VRK3: variants seen among roughly 807,000 people sequenced by gnomAD.
VRK3 encodes VRK serine/threonine kinase 3.
A neutral mutation model predicts 60.4 loss-of-function variants in VRK3; 50 were observed. That is an observed-to-expected ratio of 0.83 (90% CI 0.66 to 1.05). VRK3 has a LOEUF of 1.05. VRK3 is among the 50% of genes least tolerant of loss of function. The probability of loss-of-function intolerance (pLI) is 0.00; values close to 1 mark genes in which losing one functional copy is unlikely to be tolerated. For synonymous variants in VRK3, 246 were observed against 227.8 expected (o/e 1.08, Z -0.72); for missense variants, 549 against 585.3 (o/e 0.94, Z 0.64).
rs568877003 is a variant in VRK3, at chr19:50,019,674, C to CTTTTTTTTTTTTTT, written c.-2+897_-2+910dup. ...ACAGGCATGTGCCACCATGCCTGGC[C>CTTTTTTTTTTTTTT]TTTTTTTTTTTTTTTTTTTTTTTTT... On this transcript the variant is annotated intron_variant, in intron 2 of 14. Coordinates refer to ENST00000316763, the MANE Select transcript of VRK3 (RefSeq NM_016440.4). Among the ~76,000 whole-genome samples the CTTTTTTTTTTTTTT allele has an allele frequency of 3.3e-4, 15 of 45,020 alleles. 1 individual carries two copies. The highest frequency in any genetic ancestry group is 8.6e-4 in the South Asian group (1 of 1,168). The allele number at this position is 45,020 out of a possible 152,430, so 29.5% of individuals were successfully genotyped here. A position where few individuals can be genotyped will look rare whatever the true frequency, so the allele number is the denominator to read the frequency against.
chr19:49,979,278 G>C (rs367636147), intron 13 of VRK3, 36 bp from the exon 14 acceptor site: 129 of 1,613,636 alleles, frequency 8.0e-5, no homozygotes, highest in Non-Finnish European at 1.0e-4. Flanking sequence ...GGGAGAGCCT[G>C]AGAGGCATCC....
At chr19:49,982,293 G>C in intron 12 of VRK3, 4 of 693,026 alleles carry the variant, frequency 5.8e-6, no homozygotes, top group Non-Finnish European at 1.1e-5. Context: ...TCAGGCTTTG[G>C]GACATCAGAC....
At chr19:49,995,019 C>A in intron 8 of VRK3, 100 bp from the exon 9 acceptor site, 1 of 1,310,510 alleles carries the variant, frequency 7.6e-7, no homozygotes. Context: ...AGGTCCTGGT[C>A]CCAGGTGAGA....
chr19:50,024,739 C>T (rs7249945), intron 1 of VRK3, among the ~76,000 whole-genome samples: 1,857 of 152,294 alleles, frequency 0.012, 80 homozygotes, highest in East Asian at 0.12. Context: ...TATGCAATGG[C>T]CAGGTCAGGA....
chr19:49,981,908 G>A (rs931482415), intron 12 of VRK3: 2 of 928,484 alleles, frequency 2.2e-6, no homozygotes, highest in African/African-American at 1.7e-5. Flanking sequence ...AAGCAAGCAG[G>A]CTCGACTTCA....
intron 12 of VRK3, chr19:49,981,994 C>A (rs142802388): frequency 1.3e-5 from 8 of 638,612 alleles, no homozygotes; most frequent in South Asian, 1.8e-5. Flanking sequence ...CCAGCGGGGC[C>A]GTCAAGTAGG....
intron 12 of VRK3, among the ~76,000 whole-genome samples, chr19:49,987,334 G>A (rs1453863548): frequency 6.6e-6 from 1 of 151,986 alleles, no homozygotes; most frequent in Non-Finnish European, 1.5e-5. Flanking sequence ...TTTGTGTCCC[G>A]CTGCCTGCTG....
At chr19:49,995,954 C>T (rs912596459) in intron 7 of VRK3, among the ~76,000 whole-genome samples, 5 of 151,940 alleles carry the variant, frequency 3.3e-5, no homozygotes, top group Non-Finnish European at 7.4e-5. Context: ...ATGGAGTCTT[C>T]GTCTGTCACC....
chr19:49,982,936 C>T (rs2076448600), intron 12 of VRK3, among the ~76,000 whole-genome samples: 1 of 152,050 alleles, frequency 6.6e-6, no homozygotes, highest in South Asian at 2.1e-4. Flanking sequence ...CTGACCCTGC[C>T]TTCGCCATCC....
intron 13 of VRK3, among the ~76,000 whole-genome samples, chr19:49,979,559 TC>T (rs2076388554): frequency 6.6e-6 from 1 of 152,042 alleles, no homozygotes; most frequent in African/African-American, 2.4e-5. Context: ...TTAAAGCAAA[TC>T]CCAGCTAGCA....
intron 10 of VRK3, 140 bp downstream of exon 10, chr19:49,992,720 A>G: frequency 1.4e-6 from 1 of 708,092 alleles, no homozygotes. Flanking sequence ...TGCTTATCTT[A>G]TTTATTTGAA....
At chr19:49,985,577 C>G (rs570679682) in intron 12 of VRK3, among the ~76,000 whole-genome samples, 1 of 152,308 alleles carries the variant, frequency 6.6e-6, no homozygotes, top group South Asian at 2.1e-4. Context: ...CCCCCACCAA[C>G]AGTCCCACCA....
Position 50,016,046 on chromosome 19 carries a change from A to AT in VRK3, c.116dup (p.Asn39LysfsTer19). 6.2e-7 allele frequency: 1 copy of AT among 1,614,188 alleles called. No individual in the cohort carries two copies. The highest frequency in any genetic ancestry group is 8.5e-7 in the Non-Finnish European group (1 of 1,180,020). On this transcript the variant is annotated frameshift_variant, in exon 3 of 15. Transcript: ENST00000316763. LOFTEE classifies it high-confidence loss of function. ...TACCTTGGAAGGATGACACATGTGGATTGACAAAGGTCTGGGACCCTACAT... is the reference window on the plus strand; with the variant it reads ...TACCTTGGAAGGATGACACATGTGGATTTGACAAAGGTCTGGGACCCTACAT...
chr19:49,976,864 T>C (rs997113894), intron 14 of VRK3, 80 bp from the exon 15 acceptor site: 11 of 152,190 alleles, frequency 7.2e-5, no homozygotes, highest in African/African-American at 2.7e-4. Flanking sequence ...GCCAAGCACC[T>C]TCTAGGTTCT....
intron 11 of VRK3, 54 bp from the exon 12 acceptor site, chr19:49,988,546 G>A (rs539881468): frequency 1.9e-6 from 3 of 1,593,332 alleles, no homozygotes; most frequent in Admixed American, 3.4e-5. Context: ...CCACTCACTG[G>A]TGGGTCCACC....
At position 49,980,949 on chromosome 19, in the gene VRK3, A is replaced by T; in HGVS notation, c.1276+6T>A. 1 of 1,608,492 alleles carries T rather than the reference A, an allele frequency of 6.2e-7. No homozygotes were observed. The highest frequency in any genetic ancestry group is 8.5e-7 in the Non-Finnish European group (1 of 1,177,426). On this transcript the variant is annotated splice_donor_region_variant and intron_variant, in intron 13 of 14. Coordinates refer to ENST00000316763, the MANE Select transcript of VRK3 (RefSeq NM_016440.4). ...CCCGCCTGTTCCCGCTCCCTTCAGG[A>T]CGTACCTGAGGGCCTGATCCAGTGA...
chr19:50,008,040 G>A (rs950447982), intron 4 of VRK3, among the ~76,000 whole-genome samples: 9 of 152,160 alleles, frequency 5.9e-5, no homozygotes, highest in African/African-American at 2.2e-4. Context: ...GCCCAGTTTG[G>A]TGGGCAAGTC....
At position 50,025,348 on chromosome 19, in the gene VRK3, T is replaced by G. The variant is rs911777446; in HGVS notation, c.-146A>C. The G allele has an allele frequency of 4.6e-5, 7 of 152,410 alleles. No individual in the cohort carries two copies. The highest frequency in any genetic ancestry group is 1.2e-4 in the African/African-American group (5 of 41,588). 9.4% of individuals were successfully genotyped at this position (152,410 alleles called of 1,614,324 possible). ...CCTCCGCAGTTACCCGGACTCACCT[T>G]CTCAGTTGCCCAGCGAAAACTTCCG... On this transcript the variant is annotated 5_prime_UTR_variant, in exon 1 of 15. Transcript: ENST00000316763.
chr19:49,994,201 C>G (rs1031034078), intron 9 of VRK3, among the ~76,000 whole-genome samples: 1 of 152,174 alleles, frequency 6.6e-6, no homozygotes, highest in Non-Finnish European at 1.5e-5. Context: ...TCAATCACAG[C>G]AGGGGCCGCT....
Sources: allele counts gnomAD v4.1 joint callset (sites outside exome capture counted in the v4.1 genomes callset), GRCh38; gene constraint gnomAD v4.1.1; transcripts MANE v1.5; gene names NCBI Gene and HGNC (gene_info 2026-07-23, HGNC 2026-07-21).